ATMIN: variants seen among roughly 807,000 people sequenced by gnomAD.
The protein encoded by ATMIN is ATM INteracting protein.
A neutral mutation model predicts 49.2 loss-of-function variants in ATMIN; 24 were observed. That is an observed-to-expected ratio of 0.49 (90% CI 0.35 to 0.69). ATMIN has a LOEUF of 0.69. Among genes scored for constraint, ATMIN ranks in the 30% least tolerant of loss-of-function variants. The pLI, the probability that ATMIN is intolerant of heterozygous loss-of-function variation, is 0.00. For synonymous variants in ATMIN, 450 were observed against 392.5 expected (o/e 1.15, Z -1.73); for missense variants, 1,037 against 1,005.5 (o/e 1.03, Z -0.42).
intron 1 of ATMIN, among the ~76,000 whole-genome samples, chr16:81,038,961 A>G (rs9929921): frequency 6.6e-6 from 1 of 151,854 alleles, no homozygotes; most frequent in Admixed American, 6.6e-5. Flanking sequence ...ACGCCCGACT[A>G]ATTTTTGTTT....
rs759157656 is a variant in ATMIN at position 81,043,559 on chromosome 16, G to C, written c.1061G>C (p.Gly354Ala). The C allele has an allele frequency of 5.0e-6, 8 of 1,613,910 alleles. No individual in the cohort carries two copies. The highest frequency in any genetic ancestry group is 1.7e-5 in the Admixed American group (1 of 60,006). Residue 354 changes from glycine (G) to alanine (A), a missense_variant, in exon 4 of 4, where the codon GGC (glycine) becomes GCC (alanine). Coordinates refer to ENST00000299575, the MANE Select transcript of ATMIN (RefSeq NM_015251.3). ...TTGTCAGTAGGAACCCTGATCCTCG[G>C]CCTAGATTCAGAGGCTTGCTCTCTT... Reference protein sequence around the residue: ...MPLSVGTLILGLDSEACSLKE... With the variant: ...MPLSVGTLILALDSEACSLKE...
intron 3 of ATMIN, 149 bp downstream of exon 3, chr16:81,042,629 G>A: frequency 1.2e-6 from 1 of 868,522 alleles, no homozygotes; most frequent in South Asian, 1.8e-5. Context: ...AATGGAAGCA[G>A]GTCTTGCAAA....
chr16:81,039,419 A>G (rs1382139829), intron 1 of ATMIN, among the ~76,000 whole-genome samples: 3 of 152,078 alleles, frequency 2.0e-5, no homozygotes, highest in African/African-American at 7.2e-5. Flanking sequence ...CCCACCCCCA[A>G]CCAAATCTTC....
At chr16:81,037,365 A>G in intron 1 of ATMIN, 5 of 985,464 alleles carry the variant, frequency 5.1e-6, no homozygotes, top group Non-Finnish European at 6.0e-6. Flanking sequence ...AGTCTCTAGT[A>G]GGACAGATGT....
rs778556195 is a variant in ATMIN at position 81,044,773 on chromosome 16, C to G, written c.2275C>G (p.Gln759Glu). 6 of 1,614,210 alleles carry G rather than the reference C, an allele frequency of 3.7e-6. No individual in the cohort carries two copies. The highest frequency in any genetic ancestry group is 2.5e-6 in the Non-Finnish European group (3 of 1,180,040). ...TATACCTGCTCTAGAAAGCAAAGTT[C>G]AGTTGAACAGTACAGAAACACAGAC... Reference protein sequence around the residue: ...KNIPALESKVQLNSTETQTMS... With the variant: ...KNIPALESKVELNSTETQTMS... Residue 759 changes from glutamine to glutamate, a missense_variant, in exon 4 of 4, where the codon CAG (glutamine) becomes GAG (glutamate). Coordinates refer to ENST00000299575, the MANE Select transcript of ATMIN (RefSeq NM_015251.3).
intron 1 of ATMIN, among the ~76,000 whole-genome samples, chr16:81,038,060 T>G (rs868429989): frequency 6.6e-6 from 1 of 152,202 alleles, no homozygotes; most frequent in African/African-American, 2.4e-5. Context: ...TAAACATCTG[T>G]TGAACATAAA....
rs1971124487 is a variant in ATMIN, at chr16:81,046,572, T to A, written c.*1602T>A. On this transcript the variant is annotated 3_prime_UTR_variant, in exon 4 of 4. Coordinates refer to ENST00000299575, the MANE Select transcript of ATMIN (RefSeq NM_015251.3). The stretch of plus-strand genomic sequence containing the variant: ...AGCATGATCAAGTATGCTTTGGGGA[T>A]TTTCTGTATTTAGGAGATCCTGGAT... The A allele has an allele frequency of 6.6e-6, 1 of 151,962 alleles. No individual in the cohort carries two copies. Among genetic ancestry groups the A allele is most frequent in the Admixed American group, 6.6e-5 (1 of 15,242 alleles). The allele number at this position is 151,962 out of a possible 1,614,324, so 9.4% of individuals were successfully genotyped here.
chr16:81,044,809 G>A lies in ATMIN; in HGVS notation c.2311G>A (p.Gly771Arg), dbSNP rs1353963936. The change falls in exon 4 of 4, where the codon GGG (glycine) becomes AGG (arginine). Residue 771 changes from glycine (G) to arginine (R), a missense_variant. Transcript: ENST00000299575. The stretch of plus-strand genomic sequence containing the variant: ...TACAGAAACACAGACCATGAGTTCT[G>A]GGTTTGAAACCCTGGGGAGCTTGTT... ...NSTETQTMSS[G>R]FETLGSLFFT... The A allele has an allele frequency of 6.2e-6, 10 of 1,614,072 alleles. No individual in the cohort carries two copies. The highest frequency in any genetic ancestry group is 7.6e-6 in the Non-Finnish European group (9 of 1,180,040).
chr16:81,042,427 A>G lies in ATMIN; in HGVS notation c.609A>G (p.Thr203=). ...GCGGCTGTCCCTACGCCAGTAGAAC[A>G]GCACTGCAGTCTCACATCTACCGAA... The part of the protein sequence containing the change: ...CTCGCPYASR[T]ALQSHIYRTG... The change falls in exon 3 of 4, where the codon ACA becomes ACG. Residue 203 remains threonine, a synonymous_variant. Coordinates refer to ENST00000299575, the MANE Select transcript of ATMIN (RefSeq NM_015251.3). The G allele has an allele frequency of 6.2e-7, 1 of 1,614,230 alleles. No individual in the cohort carries two copies. The highest frequency in any genetic ancestry group is 8.5e-7 in the Non-Finnish European group (1 of 1,180,036).
chr16:81,041,384 A>G lies in ATMIN; in HGVS notation c.365A>G (p.Lys122Arg). ...QDGIVNPTIR[K>R]DLKTGPKFYC... ...GGCATAGTCAATCCAACAATAAGAA[A>G]AGATTTGAAAACTGGACCGAAATTC... Residue 122 changes from lysine to arginine, a missense_variant, in exon 2 of 4, where the codon AAA (lysine) becomes AGA (arginine). Physicochemically the swap from Lys to Arg is conservative, Grantham distance 26. Coordinates refer to ENST00000299575, the MANE Select transcript of ATMIN (RefSeq NM_015251.3). 2 of 1,613,514 alleles carry G rather than the reference A, an allele frequency of 1.2e-6. No homozygotes were observed. The highest frequency in any genetic ancestry group is 8.5e-7 in the Non-Finnish European group (1 of 1,179,876).
rs938451706 is a variant in ATMIN, at chr16:81,044,225, C to G, written c.1727C>G (p.Pro576Arg). ...INFSAQNSML[P>R]SQNMTDNQTQ... The stretch of plus-strand genomic sequence containing the variant: ...TTCAGTGCACAGAATAGTATGCTTC[C>G]TTCACAGAACATGACAGATAATCAG... Residue 576 changes from proline to arginine, a missense_variant, in exon 4 of 4, where the codon CCT becomes CGT. Coordinates refer to ENST00000299575, the MANE Select transcript of ATMIN (RefSeq NM_015251.3). 1 of 1,613,996 alleles carries G rather than the reference C, an allele frequency of 6.2e-7. No individual in the cohort carries two copies. Among genetic ancestry groups the G allele is most frequent in the Non-Finnish European group, 8.5e-7 (1 of 1,180,026 alleles).
At chr16:81,041,010 G>A in intron 1 of ATMIN, 1 of 227,578 alleles carries the variant, frequency 4.4e-6, no homozygotes, top group Non-Finnish European at 8.8e-6. Context: ...CACTGACGAT[G>A]TGTTTGAAAT....
Position 81,042,475 on chromosome 16 carries a change from A to G in ATMIN, c.657A>G (p.Glu219=). The change falls in exon 3 of 4, where the codon GAA becomes GAG. Residue 219 remains glutamate, a synonymous_variant. Transcript: ENST00000299575. ...IYRTGHEIPA[E]HRDPPSKKRK... is the part of the protein sequence containing the mutation. The stretch of plus-strand genomic sequence containing the variant: ...GAACTGGGCACGAGATACCTGCAGA[A>G]CACAGGTGAAGGGAAAGAAATGATG... 6.2e-7 allele frequency: 1 copy of G among 1,614,016 alleles called. No individual in the cohort carries two copies. The highest frequency in any genetic ancestry group is 8.5e-7 in the Non-Finnish European group (1 of 1,179,888).
intron 1 of ATMIN, among the ~76,000 whole-genome samples, chr16:81,038,952 C>T (rs1214187763): frequency 3.9e-5 from 6 of 152,170 alleles, no homozygotes; most frequent in African/African-American, 1.4e-4. Context: ...TGCTCCACCA[C>T]GCCCGACTAA....
chr16:81,043,811 C>A lies in ATMIN; in HGVS notation c.1313C>A (p.Ser438Ter), dbSNP rs751633732. Residue 438 changes from serine (S) to a stop codon, truncating the protein, a stop_gained, in exon 4 of 4, where the codon TCG becomes TAG. Transcript: ENST00000299575. LOFTEE classifies it high-confidence loss of function. Reference sequence around the variant, plus strand: ...TGGGCCACTGCTGATTCCTCTGTGTCGTCTTGTTCTCAAACTGATTTGTCG... The same window carrying A: ...TGGGCCACTGCTGATTCCTCTGTGTAGTCTTGTTCTCAAACTGATTTGTCG... ...AQWATADSSV[S>*]SCSQTDLSFD... The A allele has an allele frequency of 6.2e-7, 1 of 1,614,204 alleles. No individual in the cohort carries two copies.
In ATMIN at chr16:81,035,879, C is replaced by CTCGGAGGCG; in HGVS notation, c.10_18dup (p.Ser4_Ala6dup). 1.0e-6 allele frequency: 1 copy of CTCGGAGGCG among 953,976 alleles called. No homozygotes were observed. The highest frequency in any genetic ancestry group is 1.2e-6 in the Non-Finnish European group (1 of 803,510). The allele number at this position is 953,976 out of a possible 1,614,324, so 59.1% of individuals were successfully genotyped here. A position where few individuals can be genotyped will look rare whatever the true frequency, so the allele number is the denominator to read the frequency against. On this transcript the variant is annotated inframe_insertion, in exon 1 of 4. Coordinates refer to ENST00000299575, the MANE Select transcript of ATMIN (RefSeq NM_015251.3). ...GCGGCCGTGCGGGAGCCATGGCGGC[C>CTCGGAGGCG]TCGGAGGCGGCGGCGGCGGCGGGGT... is the stretch of plus-strand genomic sequence containing the variant.
In ATMIN at chr16:81,043,780, G is replaced by T; in HGVS notation, c.1282G>T (p.Ala428Ser). The T allele has an allele frequency of 6.2e-7, 1 of 1,614,200 alleles. No homozygotes were observed. The stretch of plus-strand genomic sequence containing the variant: ...TGCCTCACAAAACTTTATACCTTCT[G>T]CACAGTGGGCCACTGCTGATTCCTC... ...SYASQNFIPSAQWATADSSVS... is the reference protein window; with the variant it reads ...SYASQNFIPSSQWATADSSVS... The change falls in exon 4 of 4, where the codon GCA (alanine) becomes TCA (serine). Residue 428 changes from alanine to serine, a missense_variant. By Grantham distance (99) the Ala-to-Ser change is moderately conservative. Transcript: ENST00000299575.
intron 1 of ATMIN, among the ~76,000 whole-genome samples, chr16:81,039,759 T>C (rs1971008952): frequency 6.6e-6 from 1 of 152,250 alleles, no homozygotes. Flanking sequence ...AACATTTATA[T>C]TGTAAAACAT....
At position 81,043,361 on chromosome 16, in the gene ATMIN, C is replaced by T. The variant is rs1274360812; in HGVS notation, c.863C>T (p.Pro288Leu). Reference sequence around the variant, plus strand: ...GACAAGCAGACTCTTACAACACCACCGAGATATCCTCAGAAGTTGCTTTTA... The same window carrying T: ...GACAAGCAGACTCTTACAACACCACTGAGATATCCTCAGAAGTTGCTTTTA... The part of the protein sequence containing the change: ...NTDKQTLTTP[P>L]RYPQKLLLPK... Residue 288 changes from proline (P) to leucine (L), a missense_variant, in exon 4 of 4, where the codon CCG becomes CTG. By Grantham distance (98) the Pro-to-Leu change is moderately conservative. Transcript: ENST00000299575. 11 of 1,613,944 alleles carry T rather than the reference C, an allele frequency of 6.8e-6. No homozygotes were observed. The highest frequency in any genetic ancestry group is 9.3e-6 in the Non-Finnish European group (11 of 1,180,014).
Sources: gnomAD v4.1 joint callset for allele counts (sites outside exome capture counted in the v4.1 genomes callset) on GRCh38, gnomAD v4.1.1 for gene constraint, MANE v1.5 for transcripts, NCBI Gene and HGNC (gene_info 2026-07-23, HGNC 2026-07-21) for gene names.